ZGRF1: variants seen among roughly 807,000 people sequenced by gnomAD.
ZGRF1 encodes the protein 5'-3' DNA helicase ZGRF1.
In ZGRF1, 196 loss-of-function variants were observed where a neutral mutation model predicts 203.5. The ratio of observed to expected loss-of-function variants is 0.96; its 90% CI spans 0.86 to 1.08. The LOEUF is 1.08. Ranked by LOEUF, ZGRF1 falls within the 50% of genes least tolerant of loss-of-function variation. The pLI, the probability that ZGRF1 is intolerant of heterozygous loss-of-function variation, is 0.00. For missense variants in ZGRF1, 2,326 were observed against 2,416.3 expected (o/e 0.96, Z 0.78); for synonymous variants, 809 against 841.3 (o/e 0.96, Z 0.66).
At chr4:112,541,806 C>A (rs866752673) in intron 24 of ZGRF1, among the ~76,000 whole-genome samples, 2 of 151,930 alleles carry the variant, frequency 1.3e-5, no homozygotes, top group African/African-American at 4.8e-5. Flanking sequence ...GGATTACAGG[C>A]GTGAGCCACC....
At chr4:112,552,260 G>C (rs184337215) in intron 22 of ZGRF1, among the ~76,000 whole-genome samples, 8 of 150,878 alleles carry the variant, frequency 5.3e-5, no homozygotes, top group African/African-American at 1.9e-4. Context: ...CTGGGTGACA[G>C]AGCGAGACTC....
At chr4:112,625,452 G>A (rs957917840) in intron 3 of ZGRF1, among the ~76,000 whole-genome samples, 1 of 151,762 alleles carries the variant, frequency 6.6e-6, no homozygotes, top group Admixed American at 6.6e-5. Context: ...GGGCGCGGTG[G>A]CAGGCGCCTG....
rs564719640 is a variant in ZGRF1, at chr4:112,596,563, C to T, written c.2977-6689G>A. Among the ~76,000 whole-genome samples the T allele has an allele frequency of 3.9e-5, 6 of 152,052 alleles. No homozygotes were observed. The East Asian group carries it at 7.7e-4, about 20-fold the overall frequency. On this transcript the variant is annotated intron_variant, in intron 10 of 27. Transcript: ENST00000505019. The stretch of plus-strand genomic sequence containing the variant: ...TGTATTAATGAAACCTGAAGGAAAG[C>T]ACATGACAGCGAAATTTCAGAATAT...
At chr4:112,630,900 A>G (rs1192720889) in intron 3 of ZGRF1, among the ~76,000 whole-genome samples, 4 of 151,994 alleles carry the variant, frequency 2.6e-5, no homozygotes, top group African/African-American at 9.6e-5. Flanking sequence ...AAAAAAAAAA[A>G]AGAGACGCAG....
intron 10 of ZGRF1, among the ~76,000 whole-genome samples, chr4:112,602,639 T>C (rs1327623089): frequency 6.6e-6 from 1 of 152,124 alleles, no homozygotes; most frequent in Non-Finnish European, 1.5e-5. Flanking sequence ...TTAACACAAA[T>C]AACACAAACA....
intron 16 of ZGRF1, among the ~76,000 whole-genome samples, chr4:112,579,039 T>C (rs1193138742): frequency 8.2e-6 from 1 of 122,628 alleles, no homozygotes; most frequent in African/African-American, 2.8e-5. Flanking sequence ...ACTGGCAAAC[T>C]GAATCCAGCA....
intron 16 of ZGRF1, among the ~76,000 whole-genome samples, chr4:112,569,054 A>T (rs1339628329): frequency 6.6e-6 from 1 of 152,204 alleles, no homozygotes; most frequent in African/African-American, 2.4e-5. Context: ...AGACTTTCAA[A>T]CAGTGAATAC....
At chr4:112,542,667 G>C (rs1467369666) in intron 24 of ZGRF1, among the ~76,000 whole-genome samples, 1 of 151,922 alleles carries the variant, frequency 6.6e-6, no homozygotes, top group African/African-American at 2.4e-5. Context: ...CAAACTCCTG[G>C]GGCTCACACG....
In ZGRF1 at chr4:112,540,051, G is replaced by C; in HGVS notation, c.5984C>G (p.Ala1995Gly). ...GATCTCCTTTTCAGCTCCCTGAAAA[G>C]CATCTACTGTGGACACCTGCACAGT... is the stretch of plus-strand genomic sequence containing the variant. Reference protein sequence around the residue: ...IKTVQVSTVDAFQGAEKEIII... With the variant: ...IKTVQVSTVDGFQGAEKEIII... The change falls in exon 27 of 28, where the codon GCT (alanine) becomes GGT (glycine). Residue 1995 changes from alanine (A) to glycine (G), a missense_variant. Physicochemically the swap from Ala to Gly is moderately conservative, Grantham distance 60. Transcript: ENST00000505019. 3 of 1,608,286 alleles carry C rather than the reference G, an allele frequency of 1.9e-6. No individual in the cohort carries two copies. Among genetic ancestry groups the C allele is most frequent in the Non-Finnish European group, 2.5e-6 (3 of 1,176,654 alleles).
At chr4:112,630,636 A>C (rs2047377036) in intron 3 of ZGRF1, among the ~76,000 whole-genome samples, 1 of 152,206 alleles carries the variant, frequency 6.6e-6, no homozygotes, top group Admixed American at 6.5e-5. Context: ...CTCAACTGTA[A>C]TAAAGTTCTT....
intron 1 of ZGRF1, 144 bp downstream of exon 1, chr4:112,636,707 G>C (rs1382576355): frequency 2.6e-5 from 4 of 152,186 alleles, no homozygotes; most frequent in Admixed American, 2.6e-4. Context: ...CAAGCAGTCC[G>C]AGTAGCTGTG....
Position 112,560,836 on chromosome 4 carries a change from T to C in ZGRF1, c.4857A>G (p.Gln1619=). 1 of 1,613,772 alleles carries C rather than the reference T, an allele frequency of 6.2e-7. No individual in the cohort carries two copies. The highest frequency in any genetic ancestry group is 1.1e-5 in the South Asian group (1 of 91,082). The change falls in exon 19 of 28, where the codon CAA becomes CAG. Residue 1619 remains glutamine (Q), a synonymous_variant. Transcript: ENST00000505019. The stretch of plus-strand genomic sequence containing the variant: ...GAGCTATTTGAATTAGAGCTGTAGC[T>C]TGATCCTTGTTTAACTTGTGTACCT... The part of the protein sequence containing the change: ...LIQVHKLNKD[Q]ATALIQIAQM...
At chr4:112,629,965 G>T in intron 3 of ZGRF1, 1 of 300,544 alleles carries the variant, frequency 3.3e-6, no homozygotes, top group South Asian at 2.6e-5. Context: ...GTTGTAGTGA[G>T]CCAAGACTGT....
At chr4:112,569,068 A>T (rs1362500124) in intron 16 of ZGRF1, among the ~76,000 whole-genome samples, 2 of 152,206 alleles carry the variant, frequency 1.3e-5, no homozygotes, top group African/African-American at 4.8e-5. Flanking sequence ...TGAATACAAG[A>T]TGATAACTAA....
At chr4:112,620,543 G>A (rs2047029805) in intron 4 of ZGRF1, among the ~76,000 whole-genome samples, 1 of 152,120 alleles carries the variant, frequency 6.6e-6, no homozygotes, top group Non-Finnish European at 1.5e-5. Flanking sequence ...TTGAGATCCT[G>A]TCTCTACAAA....
intron 8 of ZGRF1, chr4:112,607,733 G>C (rs1750983982): frequency 6.6e-6 from 1 of 152,546 alleles, no homozygotes; most frequent in Admixed American, 6.6e-5. Context: ...AGGAGTTCAA[G>C]ACCAGCCTGA....
At position 112,541,199 on chromosome 4, in the gene ZGRF1, GATC is replaced by G; in HGVS notation, c.5665_5667del (p.Asp1889del). On this transcript the variant is annotated inframe_deletion, in exon 25 of 28. Coordinates refer to ENST00000505019, the MANE Select transcript of ZGRF1 (RefSeq NM_018392.5). ...TTCATGAGGGCTCCTTTGTAAAACA[GATC>G]ATTAGCAATAGCACTGATTGCAGGA... is the stretch of plus-strand genomic sequence containing the variant. 2.5e-6 allele frequency: 4 copies of G among 1,612,312 alleles called. No homozygotes were observed. Among genetic ancestry groups the G allele is most frequent in the Non-Finnish European group, 3.4e-6 (4 of 1,178,812 alleles).
chr4:112,569,176 C>G (rs1224814456), intron 16 of ZGRF1, among the ~76,000 whole-genome samples: 2 of 152,022 alleles, frequency 1.3e-5, no homozygotes, highest in Non-Finnish European at 2.9e-5. Context: ...TTATATGTAG[C>G]CAAATTATTG....
At chr4:112,624,141 C>T (rs916147421) in intron 3 of ZGRF1, among the ~76,000 whole-genome samples, 9 of 145,714 alleles carry the variant, frequency 6.2e-5, no homozygotes, top group Non-Finnish European at 1.2e-4. Context: ...TTTCGCTCTT[C>T]GCAATAAATC....
Sources: gnomAD v4.1 joint callset for allele counts (sites outside exome capture counted in the v4.1 genomes callset) on GRCh38, gnomAD v4.1.1 for gene constraint, MANE v1.5 for transcripts, NCBI Gene and HGNC (gene_info 2026-07-23, HGNC 2026-07-21) for gene names.